OTUD1: variants seen among roughly 807,000 people sequenced by gnomAD.
OTUD1 encodes OTU deubiquitinase 1, also known as OTU domain-containing protein 1.
Under a neutral mutation model 30.0 loss-of-function variants are expected in OTUD1, and 15 were observed. That is an observed-to-expected ratio of 0.50 (90% CI 0.33 to 0.77). OTUD1 has a LOEUF of 0.77. Among genes scored for constraint, OTUD1 ranks in the 30% least tolerant of loss-of-function variants. The probability of loss-of-function intolerance (pLI) is 0.02; values close to 1 mark genes in which losing one functional copy is unlikely to be tolerated. For synonymous variants in OTUD1, 381 were observed against 326.3 expected (o/e 1.17, Z -1.81); for missense variants, 796 against 697.8 (o/e 1.14, Z -1.59).
In OTUD1 at chr10:23,439,768, T is replaced by A. The variant is rs1847106248; in HGVS notation, c.311T>A (p.Leu104Gln). The A allele has an allele frequency of 1.7e-6, 2 of 1,156,252 alleles. No homozygotes were observed. Among genetic ancestry groups the A allele is most frequent in the Admixed American group, 9.1e-5 (2 of 22,098 alleles). 71.6% of individuals were successfully genotyped at this position (1,156,252 alleles called of 1,614,324 possible). A position where few individuals can be genotyped will look rare whatever the true frequency, so the allele number is the denominator to read the frequency against. The part of the protein sequence containing the change: ...GPPGASCKPP[L>Q]PPHYTSTAQI... ...CCCGGCGCGTCCTGCAAGCCGCCGC[T>A]GCCGCCGCACTACACGTCCACCGCA... The change falls in exon 1 of 1, where the codon CTG becomes CAG. Residue 104 changes from leucine to glutamine, a missense_variant. Transcript: ENST00000376495.
In OTUD1 at chr10:23,440,372, G is replaced by A; in HGVS notation, c.915G>A (p.Arg305=). 1 of 1,551,554 alleles carries A rather than the reference G, an allele frequency of 6.4e-7. No homozygotes were observed. Among genetic ancestry groups the A allele is most frequent in the Non-Finnish European group, 8.7e-7 (1 of 1,146,966 alleles). The part of the protein sequence containing the change: ...AEVEKQDKYL[R]QRNKYRFHII... ...TGGAGAAGCAGGACAAGTATCTGCG[G>A]CAGAGGAATAAGTACCGATTCCACA... The change falls in exon 1 of 1, where the codon CGG becomes CGA. Residue 305 remains arginine (R), a synonymous_variant. Coordinates refer to ENST00000376495, the MANE Select transcript of OTUD1 (RefSeq NM_001145373.3).
Position 23,440,978 on chromosome 10 carries a change from C to T in OTUD1, c.*75C>T. 3 of 1,431,900 alleles carry T rather than the reference C, an allele frequency of 2.1e-6. No individual in the cohort carries two copies. The highest frequency in any genetic ancestry group is 1.9e-6 in the Non-Finnish European group (2 of 1,063,860). 88.7% of individuals were successfully genotyped at this position (1,431,900 alleles called of 1,614,324 possible). ...TTTGGAGAATCACATGAACTTTAAT[C>T]AGGGTAATAGCACTTTCAAACTTGC... is the stretch of plus-strand genomic sequence containing the variant. On this transcript the variant is annotated 3_prime_UTR_variant, in exon 1 of 1. Transcript: ENST00000376495.
In OTUD1 at chr10:23,440,200, G is replaced by A; in HGVS notation, c.743G>A (p.Gly248Asp). The A allele has an allele frequency of 6.7e-7, 1 of 1,482,512 alleles. No homozygotes were observed. The highest frequency in any genetic ancestry group is 9.0e-7 in the Non-Finnish European group (1 of 1,115,898). 91.8% of individuals were successfully genotyped at this position (1,482,512 alleles called of 1,614,324 possible). A position where few individuals can be genotyped will look rare whatever the true frequency, so the allele number is the denominator to read the frequency against. ...ERGGDRCDAP[G>D]GDAARRPDPE... is the part of the protein sequence containing the mutation. ...GGCGGCGATCGCTGCGACGCGCCCG[G>A]TGGGGACGCGGCGCGGAGGCCCGAC... The change falls in exon 1 of 1, where the codon GGT becomes GAT. Residue 248 changes from glycine to aspartate, a missense_variant. Gly to Asp is a moderately conservative substitution (Grantham distance 94). Coordinates refer to ENST00000376495, the MANE Select transcript of OTUD1 (RefSeq NM_001145373.3).
Position 23,440,963 on chromosome 10 carries a change from C to G in OTUD1, c.*60C>G. 6.8e-7 allele frequency: 1 copy of G among 1,477,960 alleles called. No individual in the cohort carries two copies. Among genetic ancestry groups the G allele is most frequent in the Non-Finnish European group, 9.1e-7 (1 of 1,102,894 alleles). The allele number at this position is 1,477,960 out of a possible 1,614,324, so 91.6% of individuals were successfully genotyped here. A position where few individuals can be genotyped will look rare whatever the true frequency, so the allele number is the denominator to read the frequency against. On this transcript the variant is annotated 3_prime_UTR_variant, in exon 1 of 1. Transcript: ENST00000376495. Reference sequence around the variant, plus strand: ...CATATATAACTTGTGTTTGGAGAATCACATGAACTTTAATCAGGGTAATAG... The same window carrying G: ...CATATATAACTTGTGTTTGGAGAATGACATGAACTTTAATCAGGGTAATAG...
rs1299132610 is a variant in OTUD1 at position 23,440,484 on chromosome 10, A to G, written c.1027A>G (p.Thr343Ala). The change falls in exon 1 of 1, where the codon ACG becomes GCG. Residue 343 changes from threonine to alanine, a missense_variant. Coordinates refer to ENST00000376495, the MANE Select transcript of OTUD1 (RefSeq NM_001145373.3). ...CCTGCACCGGGAGTTGAGGGAGCAGACGGTGCACTACATCGCCGACCATCT... is the reference window on the plus strand; with the variant it reads ...CCTGCACCGGGAGTTGAGGGAGCAGGCGGTGCACTACATCGCCGACCATCT... ...QSLHRELREQ[T>A]VHYIADHLDH... 1.9e-6 allele frequency: 3 copies of G among 1,551,616 alleles called. No homozygotes were observed. Among genetic ancestry groups the G allele is most frequent in the Non-Finnish European group, 2.6e-6 (3 of 1,147,018 alleles).
rs531388411 is a variant in OTUD1 at position 23,441,965 on chromosome 10, C to G, written c.*1062C>G. The G allele has an allele frequency of 6.0e-6, 1 of 167,100 alleles. No individual in the cohort carries two copies. Among genetic ancestry groups the G allele is most frequent in the Non-Finnish European group, 1.5e-5 (1 of 68,112 alleles). The allele number at this position is 167,100 out of a possible 1,614,324, so 10.4% of individuals were successfully genotyped here. On this transcript the variant is annotated 3_prime_UTR_variant, in exon 1 of 1. Transcript: ENST00000376495. ...GATGTAGAAATGTCTGTAAACAGAG[C>G]TTGTATGGTTTGCTGGGTCAAACAA...
At position 23,439,117 on chromosome 10, in the gene OTUD1, C is replaced by T. The variant is rs1468596758; in HGVS notation, c.-341C>T. 6.6e-6 allele frequency among the ~76,000 whole-genome samples: 1 copy of T among 150,798 alleles called. No individual in the cohort carries two copies. The highest frequency in any genetic ancestry group is 2.4e-5 in the African/African-American group (1 of 41,294). ...TCCTCCTCGCCGGCGGGACGCGCTC[C>T]AACGGGGCGGGCGGCTTCCTCCGTG... On this transcript the variant is annotated 5_prime_UTR_variant, in exon 1 of 1. Transcript: ENST00000376495.
In OTUD1 at chr10:23,441,018, G is replaced by A. The variant is rs41305685; in HGVS notation, c.*115G>A. The A allele has an allele frequency of 3.4e-5, 39 of 1,139,010 alleles. 1 individual carries two copies. Among genetic ancestry groups the A allele is most frequent in the Non-Finnish European group, 4.4e-5 (36 of 812,596 alleles). 70.6% of individuals were successfully genotyped at this position (1,139,010 alleles called of 1,614,324 possible). A position where few individuals can be genotyped will look rare whatever the true frequency, so the allele number is the denominator to read the frequency against. ...TTCAAACTTGCTAGTAGATTTTACT[G>A]TAGGTGTAATGCCTTAATCATCTTT... On this transcript the variant is annotated 3_prime_UTR_variant, in exon 1 of 1. Transcript: ENST00000376495.
rs1418614438 is a variant in OTUD1, at chr10:23,439,881, C to G, written c.424C>G (p.Pro142Ala). Residue 142 changes from proline (P) to alanine (A), a missense_variant, in exon 1 of 1, where the codon CCG (proline) becomes GCG (alanine). By Grantham distance (27) the Pro-to-Ala change is conservative. Coordinates refer to ENST00000376495, the MANE Select transcript of OTUD1 (RefSeq NM_001145373.3). ...VPGAAGSAAA[P>A]RGRCLLLAPA... ...CGGCGCCGCGGGCTCCGCCGCTGCCCCGCGCGGCCGCTGCCTCCTGCTCGC... is the reference window on the plus strand; with the variant it reads ...CGGCGCCGCGGGCTCCGCCGCTGCCGCGCGCGGCCGCTGCCTCCTGCTCGC... 6.3e-5 allele frequency: 73 copies of G among 1,162,788 alleles called. No homozygotes were observed. The highest frequency in any genetic ancestry group is 7.5e-5 in the Non-Finnish European group (71 of 946,546). 72.0% of individuals were successfully genotyped at this position (1,162,788 alleles called of 1,614,324 possible). A position where few individuals can be genotyped will look rare whatever the true frequency, so the allele number is the denominator to read the frequency against.
chr10:23,440,209 C>G lies in OTUD1; in HGVS notation c.752C>G (p.Ala251Gly), dbSNP rs1384369269. 1.3e-6 allele frequency: 2 copies of G among 1,488,508 alleles called. No homozygotes were observed. The highest frequency in any genetic ancestry group is 1.8e-6 in the Non-Finnish European group (2 of 1,118,612). 92.2% of individuals were successfully genotyped at this position (1,488,508 alleles called of 1,614,324 possible). The change falls in exon 1 of 1, where the codon GCG becomes GGG. Residue 251 changes from alanine to glycine, a missense_variant. Physicochemically the swap from Ala to Gly is moderately conservative, Grantham distance 60. Transcript: ENST00000376495. ...CGCTGCGACGCGCCCGGTGGGGACGCGGCGCGGAGGCCCGACCCAGAGGCC... is the reference window on the plus strand; with the variant it reads ...CGCTGCGACGCGCCCGGTGGGGACGGGGCGCGGAGGCCCGACCCAGAGGCC... ...GDRCDAPGGD[A>G]ARRPDPEAEA...
chr10:23,439,362 A>G lies in OTUD1; in HGVS notation c.-96A>G, dbSNP rs1056951557. On this transcript the variant is annotated 5_prime_UTR_variant, in exon 1 of 1. Coordinates refer to ENST00000376495, the MANE Select transcript of OTUD1 (RefSeq NM_001145373.3). The stretch of plus-strand genomic sequence containing the variant: ...ATCTCTATTCTGGGGCCGTTGGGTC[A>G]CCGCGCTCCGCCGGCCCCCTCCCCC... 50 of 1,097,244 alleles carry G rather than the reference A, an allele frequency of 4.6e-5. No homozygotes were observed. The African/African-American group carries it at 6.8e-4, about 15-fold the overall frequency. The allele number at this position is 1,097,244 out of a possible 1,614,324, so 68.0% of individuals were successfully genotyped here. A position where few individuals can be genotyped will look rare whatever the true frequency, so the allele number is the denominator to read the frequency against.
chr10:23,440,521 GC>G lies in OTUD1; in HGVS notation c.1069del (p.Leu357Ter). ...ATCGCCGACCATCTCGACCACTTCA[GC>G]CCCCTGATTGAGGGCGACGTGGGGG... is the stretch of plus-strand genomic sequence containing the variant. ...HYIADHLDHF[S>X]PLIEGDVGEF... On this transcript the variant is annotated frameshift_variant, in exon 1 of 1. Transcript: ENST00000376495. LOFTEE classifies it high-confidence loss of function. 1 of 1,551,744 alleles carries G rather than the reference GC, an allele frequency of 6.4e-7. No individual in the cohort carries two copies. The highest frequency in any genetic ancestry group is 8.7e-7 in the Non-Finnish European group (1 of 1,147,008).
At position 23,439,722 on chromosome 10, in the gene OTUD1, G is replaced by A. The variant is rs1847105245; in HGVS notation, c.265G>A (p.Ala89Thr). 2.5e-6 allele frequency: 3 copies of A among 1,178,020 alleles called. No homozygotes were observed. Among genetic ancestry groups the A allele is most frequent in the South Asian group, 3.3e-5 (1 of 30,624 alleles). 73.0% of individuals were successfully genotyped at this position (1,178,020 alleles called of 1,614,324 possible). ...FEVVSGAAAPASAAAGPPGAS... is the reference protein window; with the variant it reads ...FEVVSGAAAPTSAAAGPPGAS... ...GGTGGTGTCCGGGGCCGCCGCGCCC[G>A]CCTCCGCCGCCGCCGGCCCGCCCGG... The change falls in exon 1 of 1, where the codon GCC becomes ACC. Residue 89 changes from alanine (A) to threonine (T), a missense_variant. Physicochemically the swap from Ala to Thr is moderately conservative, Grantham distance 58 (BLOSUM62 0). Coordinates refer to ENST00000376495, the MANE Select transcript of OTUD1 (RefSeq NM_001145373.3).
At position 23,441,886 on chromosome 10, in the gene OTUD1, GTC is replaced by G. The variant is rs1288112539; in HGVS notation, c.*985_*986del. On this transcript the variant is annotated 3_prime_UTR_variant, in exon 1 of 1. Coordinates refer to ENST00000376495, the MANE Select transcript of OTUD1 (RefSeq NM_001145373.3). ...TTGGCAGTTATAGCAGGAGAACACT[GTC>G]TTAATATTTCTTTACATTCTTTCAA... is the stretch of plus-strand genomic sequence containing the variant. 1 of 167,018 alleles carries G rather than the reference GTC, an allele frequency of 6.0e-6. No homozygotes were observed. Among genetic ancestry groups the G allele is most frequent in the Non-Finnish European group, 1.5e-5 (1 of 68,116 alleles). The allele number at this position is 167,018 out of a possible 1,614,324, so 10.3% of individuals were successfully genotyped here.
chr10:23,439,434 A>C lies in OTUD1; in HGVS notation c.-24A>C. The C allele has an allele frequency of 7.9e-7, 1 of 1,263,664 alleles. No homozygotes were observed. Among genetic ancestry groups the C allele is most frequent in the East Asian group, 3.3e-5 (1 of 30,204 alleles). 78.3% of individuals were successfully genotyped at this position (1,263,664 alleles called of 1,614,324 possible). A position where few individuals can be genotyped will look rare whatever the true frequency, so the allele number is the denominator to read the frequency against. On this transcript the variant is annotated 5_prime_UTR_variant, in exon 1 of 1. Coordinates refer to ENST00000376495, the MANE Select transcript of OTUD1 (RefSeq NM_001145373.3). ...CGCTCCGGGGCTCGCCGCGCCTATA[A>C]GGGGCCGAGCGGCGGGCAGGGACAT...
rs1847138679 is a variant in OTUD1 at position 23,442,287 on chromosome 10, A to G, written c.*1384A>G. On this transcript the variant is annotated 3_prime_UTR_variant, in exon 1 of 1. Coordinates refer to ENST00000376495, the MANE Select transcript of OTUD1 (RefSeq NM_001145373.3). Reference sequence around the variant, plus strand: ...TTCCATAAAGATGCCACAGCAATAGAGAGGTTTCCTAAATTATCACATGAA... The same window carrying G: ...TTCCATAAAGATGCCACAGCAATAGGGAGGTTTCCTAAATTATCACATGAA... The G allele has an allele frequency of 6.0e-6, 1 of 167,086 alleles. No individual in the cohort carries two copies. Among genetic ancestry groups the G allele is most frequent in the South Asian group, 2.1e-4 (1 of 4,834 alleles). The allele number at this position is 167,086 out of a possible 1,614,324, so 10.4% of individuals were successfully genotyped here. A position where few individuals can be genotyped will look rare whatever the true frequency, so the allele number is the denominator to read the frequency against.
Position 23,439,484 on chromosome 10 carries a change from C to A in OTUD1, c.27C>A (p.Thr9=), listed in dbSNP as rs1847101231. The A allele has an allele frequency of 7.3e-7, 1 of 1,369,404 alleles. No homozygotes were observed. The highest frequency in any genetic ancestry group is 9.4e-7 in the Non-Finnish European group (1 of 1,061,814). 84.8% of individuals were successfully genotyped at this position (1,369,404 alleles called of 1,614,324 possible). A position where few individuals can be genotyped will look rare whatever the true frequency, so the allele number is the denominator to read the frequency against. MQLYSSVC[T]HYPAGAPGPT... is the part of the protein sequence containing the mutation. ...TGCAGCTCTACAGCAGCGTCTGCAC[C>A]CACTACCCCGCCGGGGCCCCGGGTC... Residue 9 remains threonine (T), a synonymous_variant, in exon 1 of 1, where the codon ACC becomes ACA. Coordinates refer to ENST00000376495, the MANE Select transcript of OTUD1 (RefSeq NM_001145373.3).
Position 23,440,518 on chromosome 10 carries a change from TC to T in OTUD1, c.1062del (p.Phe354LeufsTer4). ...TACATCGCCGACCATCTCGACCACT[TC>T]AGCCCCCTGATTGAGGGCGACGTGG... ...VHYIADHLDH[F>X]SPLIEGDVGE... On this transcript the variant is annotated frameshift_variant, in exon 1 of 1. Coordinates refer to ENST00000376495, the MANE Select transcript of OTUD1 (RefSeq NM_001145373.3). LOFTEE classifies it high-confidence loss of function. 6.4e-7 allele frequency: 1 copy of T among 1,551,678 alleles called. No individual in the cohort carries two copies. Among genetic ancestry groups the T allele is most frequent in the Non-Finnish European group, 8.7e-7 (1 of 1,146,996 alleles).
At position 23,439,456 on chromosome 10, in the gene OTUD1, A is replaced by G; in HGVS notation, c.-2A>G. The G allele has an allele frequency of 7.7e-7, 1 of 1,303,696 alleles. No individual in the cohort carries two copies. The highest frequency in any genetic ancestry group is 2.1e-5 in the South Asian group (1 of 47,160). The allele number at this position is 1,303,696 out of a possible 1,614,324, so 80.8% of individuals were successfully genotyped here. A position where few individuals can be genotyped will look rare whatever the true frequency, so the allele number is the denominator to read the frequency against. ...ATAAGGGGCCGAGCGGCGGGCAGGG[A>G]CATGCAGCTCTACAGCAGCGTCTGC... On this transcript the variant is annotated 5_prime_UTR_variant, in exon 1 of 1. Coordinates refer to ENST00000376495, the MANE Select transcript of OTUD1 (RefSeq NM_001145373.3).
Sources: gnomAD v4.1 joint callset for allele counts (sites outside exome capture counted in the v4.1 genomes callset) on GRCh38, gnomAD v4.1.1 for gene constraint, MANE v1.5 for transcripts, NCBI Gene and HGNC (gene_info 2026-07-23, HGNC 2026-07-21) for gene names.